DOCK10: variants seen among roughly 807,000 people sequenced by gnomAD.
The protein encoded by DOCK10 is dedicator of cytokinesis protein 10.
Under a neutral mutation model 280.1 loss-of-function variants are expected in DOCK10, and 145 were observed. The observed-to-expected ratio is 0.52, with a 90% CI of 0.45 to 0.59. The LOEUF (loss-of-function observed/expected upper bound fraction) is 0.59, where lower values mean the gene tolerates loss of function less well. DOCK10 is among the 20% of genes least tolerant of loss of function. The probability of loss-of-function intolerance (pLI) is 0.00; values close to 1 mark genes in which losing one functional copy is unlikely to be tolerated. For missense variants in DOCK10, 2,368 were observed against 2,651.7 expected (o/e 0.89, Z 2.35); for synonymous variants, 915 against 942.2 (o/e 0.97, Z 0.53).
chr2:224,986,553 G>T (rs1204859260), intron 1 of DOCK10, among the ~76,000 whole-genome samples: 1 of 152,172 alleles, frequency 6.6e-6, no homozygotes, highest in East Asian at 1.9e-4. Flanking sequence ...GAGGTCATAA[G>T]GGTGGGGCCT....
chr2:225,016,490 T>C (rs1689593356), intron 1 of DOCK10, among the ~76,000 whole-genome samples: 1 of 150,284 alleles, frequency 6.7e-6, no homozygotes, highest in Non-Finnish European at 1.5e-5. Flanking sequence ...ATTCCTCTTA[T>C]ATATGTGTAT....
intron 1 of DOCK10, among the ~76,000 whole-genome samples, chr2:224,985,120 C>G (rs1244688504): frequency 2.0e-5 from 3 of 152,162 alleles, no homozygotes; most frequent in Non-Finnish European, 4.4e-5. Context: ...CTCCAAACAT[C>G]AAATGTGCAC....
At chr2:225,007,502 C>T (rs1575161992) in intron 1 of DOCK10, among the ~76,000 whole-genome samples, 1 of 152,164 alleles carries the variant, frequency 6.6e-6, no homozygotes, top group African/African-American at 2.4e-5. Flanking sequence ...AAAGAAGATC[C>T]TGATTTACAT....
intron 33 of DOCK10, among the ~76,000 whole-genome samples, chr2:224,807,076 A>G (rs769228376): frequency 4.6e-5 from 7 of 152,090 alleles, no homozygotes; most frequent in Non-Finnish European, 1.0e-4. Flanking sequence ...CCAGTCACCC[A>G]GATAGTCACT....
intron 1 of DOCK10, among the ~76,000 whole-genome samples, chr2:224,960,495 A>G (rs1237106700): frequency 6.6e-6 from 1 of 152,212 alleles, no homozygotes; most frequent in African/African-American, 2.4e-5. Flanking sequence ...TGCATCAGAA[A>G]GTACTAAAAG....
At chr2:224,878,033 A>G (rs1017335094) in intron 7 of DOCK10, among the ~76,000 whole-genome samples, 1 of 152,230 alleles carries the variant, frequency 6.6e-6, no homozygotes, top group Admixed American at 6.5e-5. Context: ...GAAGAGCCAT[A>G]AAATGAGATC....
At chr2:225,016,539 ATATC>A (rs1190988591) in intron 1 of DOCK10, among the ~76,000 whole-genome samples, 1 of 145,912 alleles carries the variant, frequency 6.9e-6, no homozygotes, top group Non-Finnish European at 1.5e-5. Flanking sequence ...ATAGATACAT[ATATC>A]TATATGCACA....
intron 43 of DOCK10, 88 bp downstream of exon 43, chr2:224,796,876 G>T: frequency 8.0e-7 from 1 of 1,245,274 alleles, no homozygotes; most frequent in Non-Finnish European, 1.1e-6. Flanking sequence ...GTTAGTGACG[G>T]CTTGCCCTGA....
chr2:224,864,774 T>C, intron 12 of DOCK10, 92 bp downstream of exon 12: 1 of 1,585,168 alleles, frequency 6.3e-7, no homozygotes, highest in Admixed American at 1.8e-5. Context: ...TAAGGGAATT[T>C]TTATTCAGGA....
At chr2:224,826,775 CT>C (rs1349750080) in intron 27 of DOCK10, among the ~76,000 whole-genome samples, 1 of 150,306 alleles carries the variant, frequency 6.7e-6, no homozygotes, top group Non-Finnish European at 1.5e-5. Context: ...ATCTATCTAT[CT>C]ATCTATCTAT....
intron 7 of DOCK10, among the ~76,000 whole-genome samples, chr2:224,879,426 A>G (rs866073269): frequency 6.6e-6 from 1 of 152,208 alleles, no homozygotes; most frequent in African/African-American, 2.4e-5. Context: ...GTGTTCTATC[A>G]CAGCACAATT....
In DOCK10 at chr2:224,844,806, C is replaced by T; in HGVS notation, c.2515G>A (p.Gly839Ser). 1 of 1,607,352 alleles carries T rather than the reference C, an allele frequency of 6.2e-7. No individual in the cohort carries two copies. ...GTCGACACTTTGAAAAGTGGTTTGCCACCATCAACCCATTTAATGTCACTC... is the reference window on the plus strand; with the variant it reads ...GTCGACACTTTGAAAAGTGGTTTGCTACCATCAACCCATTTAATGTCACTC... ...GGSDIKWVDG[G>S]KPLFKVSTFV... The change falls in exon 22 of 56, where the codon GGC becomes AGC. Residue 839 changes from glycine to serine, a missense_variant. Transcript: ENST00000258390.
intron 2 of DOCK10, among the ~76,000 whole-genome samples, chr2:224,921,129 A>ATG (rs1701713110): frequency 8.5e-6 from 1 of 118,008 alleles, no homozygotes; most frequent in African/African-American, 3.7e-5. Flanking sequence ...ATATATATAT[A>ATG]TATATAATGT....
chr2:224,881,284 C>T (rs1574986707), intron 7 of DOCK10, among the ~76,000 whole-genome samples: 1 of 152,096 alleles, frequency 6.6e-6, no homozygotes, highest in East Asian at 1.9e-4. Context: ...ATCCTTCCCA[C>T]ATCCTGGAAG....
At chr2:224,825,605 A>G (rs1694793851) in intron 27 of DOCK10, among the ~76,000 whole-genome samples, 1 of 152,226 alleles carries the variant, frequency 6.6e-6, no homozygotes, top group Non-Finnish European at 1.5e-5. Flanking sequence ...ATGCATATGC[A>G]TGAATGCCTT....
intron 14 of DOCK10, chr2:224,861,195 C>A (rs1697475118): frequency 6.6e-6 from 1 of 152,150 alleles, no homozygotes; most frequent in South Asian, 2.1e-4. Flanking sequence ...CTTTTTCATG[C>A]AGAATGTCCT....
chr2:224,809,989 CAAAAAAA>C (rs376029378), intron 31 of DOCK10, among the ~76,000 whole-genome samples: 1 of 115,372 alleles, frequency 8.7e-6, no homozygotes, highest in African/African-American at 3.2e-5. Context: ...TATTCAGCCT[CAAAAAAA>C]AAAAAAAAAA....
At chr2:225,011,282 A>G (rs918959913) in intron 1 of DOCK10, among the ~76,000 whole-genome samples, 1 of 152,208 alleles carries the variant, frequency 6.6e-6, no homozygotes, top group African/African-American at 2.4e-5. Flanking sequence ...ACAGGTACAA[A>G]GAAAAAATGA....
At chr2:224,831,696 T>C (rs1695248688) in intron 26 of DOCK10, among the ~76,000 whole-genome samples, 1 of 152,212 alleles carries the variant, frequency 6.6e-6, no homozygotes, top group African/African-American at 2.4e-5. Flanking sequence ...CCTGAGCTCT[T>C]TTGGAAACTG....
Sources: allele counts gnomAD v4.1 joint callset (sites outside exome capture counted in the v4.1 genomes callset), GRCh38; gene constraint gnomAD v4.1.1; transcripts MANE v1.5; gene names NCBI Gene and HGNC (gene_info 2026-07-23, HGNC 2026-07-21).